Variants in RPS6KA2 observed in about 807,000 individuals in gnomAD.
The protein encoded by RPS6KA2 is ribosomal protein S6 kinase A2.
Under a neutral mutation model 91.8 loss-of-function variants are expected in RPS6KA2, and 42 were observed. That is an observed-to-expected ratio of 0.46 (90% confidence interval 0.36 to 0.59). The LOEUF (loss-of-function observed/expected upper bound fraction) is 0.59. RPS6KA2 is among the 20% of genes least tolerant of loss of function. The pLI is 0.00. For synonymous variants in RPS6KA2, 414 were observed against 393.6 expected (o/e 1.05, Z -0.61); for missense variants, 798 against 978.5 (o/e 0.82, Z 2.46).
chr6:166,685,928 G>A (rs932518177), intron 2 of RPS6KA2, among the ~76,000 whole-genome samples: 6 of 152,200 alleles, frequency 3.9e-5, no homozygotes, highest in Admixed American at 1.3e-4. Flanking sequence ...GGTGATGGAC[G>A]ATGGGCCCAT....
intron 2 of RPS6KA2, among the ~76,000 whole-genome samples, chr6:166,797,487 T>G (rs1223599944): frequency 6.6e-6 from 1 of 152,064 alleles, no homozygotes; most frequent in East Asian, 1.9e-4. Flanking sequence ...AACAGCCTAT[T>G]CACACATATG....
At chr6:166,720,219 A>T (rs1240398964) in intron 2 of RPS6KA2, among the ~76,000 whole-genome samples, 1 of 152,176 alleles carries the variant, frequency 6.6e-6, no homozygotes, top group African/African-American at 2.4e-5. Context: ...ATTTTGGTGA[A>T]CCCTATACAA....
chr6:166,739,003 G>A (rs558864531), intron 2 of RPS6KA2, among the ~76,000 whole-genome samples: 1 of 152,274 alleles, frequency 6.6e-6, no homozygotes, highest in South Asian at 2.1e-4. Flanking sequence ...GTGAACAACT[G>A]AATACAAATG....
intron 2 of RPS6KA2, among the ~76,000 whole-genome samples, chr6:166,856,781 C>A (rs942049796): frequency 6.6e-6 from 1 of 152,168 alleles, no homozygotes; most frequent in Non-Finnish European, 1.5e-5. Context: ...CCTTTCCTAC[C>A]CCTACCACTT....
Position 166,493,510 on chromosome 6 carries a change from C to A in RPS6KA2, c.748-2769G>T, listed in dbSNP as rs1363344563. On this transcript the variant is annotated intron_variant, in intron 8 of 20. Coordinates refer to ENST00000265678, the MANE Select transcript of RPS6KA2 (RefSeq NM_021135.6). This position sits in a 1 kb window ranked among gnomAD's most constrained non-coding sequence, Gnocchi z 4.7. ...GGCTTCCGGGGTGAACTGAGAAAAG[C>A]CGAGGTTCATCTTGGGGTTCCCACA... 1.3e-5 allele frequency among the ~76,000 whole-genome samples: 2 copies of A among 151,988 alleles called. No individual in the cohort carries two copies. Among genetic ancestry groups the A allele is most frequent in the African/African-American group, 4.8e-5 (2 of 41,368 alleles).
At chr6:166,547,140 C>T (rs558317503) in intron 1 of RPS6KA2, among the ~76,000 whole-genome samples, 1 of 152,118 alleles carries the variant, frequency 6.6e-6, no homozygotes, top group Admixed American at 6.5e-5. Flanking sequence ...TTGATCAGAC[C>T]GTTCAGATAC....
chr6:166,708,993 T>C (rs2128579315), intron 2 of RPS6KA2, among the ~76,000 whole-genome samples: 1 of 152,214 alleles, frequency 6.6e-6, no homozygotes, highest in East Asian at 1.9e-4. Flanking sequence ...TCCGTGTTGA[T>C]ATTCAAAGTA....
At chr6:166,423,000 C>T (rs1476829254) in intron 17 of RPS6KA2, among the ~76,000 whole-genome samples, 3 of 152,184 alleles carry the variant, frequency 2.0e-5, no homozygotes, top group Admixed American at 6.5e-5. Flanking sequence ...CTACAGAAGA[C>T]AATTTTACAT....
intron 2 of RPS6KA2, among the ~76,000 whole-genome samples, chr6:166,677,410 G>A (rs575683169): frequency 8.7e-5 from 13 of 149,998 alleles, no homozygotes; most frequent in Non-Finnish European, 1.6e-4. Flanking sequence ...CACCCAGGCT[G>A]AAGTGTAGTG....
At chr6:166,455,161 G>C (rs1253450082) in intron 12 of RPS6KA2, among the ~76,000 whole-genome samples, 1 of 152,090 alleles carries the variant, frequency 6.6e-6, no homozygotes, top group Non-Finnish European at 1.5e-5. Context: ...AAGGAAGAAA[G>C]TGCACCTAGT....
chr6:166,819,569 C>T (rs902523252), intron 2 of RPS6KA2, among the ~76,000 whole-genome samples: 4 of 152,170 alleles, frequency 2.6e-5, no homozygotes, highest in African/African-American at 9.7e-5. Flanking sequence ...CAAATGTATG[C>T]TGTTTAAGGT....
chr6:166,626,866 G>T lies in RPS6KA2; in HGVS notation c.99+55C>A. On this transcript the variant is annotated intron_variant, in intron 1 of 20. Transcript: ENST00000265678. The surrounding 1 kb of genome is among the most constrained non-coding windows in gnomAD (Gnocchi z 4.1). ...CAGGGGTGGCGAGGCGGGCTCGGGC[G>T]ACCACGGCCCGCTCAGTGCCCGGCA... 1 of 1,356,012 alleles carries T rather than the reference G, an allele frequency of 7.4e-7. No individual in the cohort carries two copies. The highest frequency in any genetic ancestry group is 1.7e-5 in the South Asian group (1 of 59,824). The allele number at this position is 1,356,012 out of a possible 1,614,324, so 84.0% of individuals were successfully genotyped here.
rs377766250 is a variant in RPS6KA2, at chr6:166,490,715, C to T, written c.774G>A (p.Pro258=). Residue 258 remains proline, a synonymous_variant, in exon 9 of 21, where the codon CCG becomes CCA. Coordinates refer to ENST00000265678, the MANE Select transcript of RPS6KA2 (RefSeq NM_021135.6). This position sits in a 1 kb window ranked among gnomAD's most constrained non-coding sequence, Gnocchi z 4.2. ...TCTCCTTCCTGTCCTTCCCCTGGAACGGCAGGGACCCCGTGAGCATCTCAA... is the reference window on the plus strand; with the variant it reads ...TCTCCTTCCTGTCCTTCCCCTGGAATGGCAGGGACCCCGTGAGCATCTCAA... ...LMFEMLTGSL[P]FQGKDRKETM... is the part of the protein sequence containing the mutation. The T allele has an allele frequency of 1.2e-4, 199 of 1,612,878 alleles. No homozygotes were observed. The highest frequency in any genetic ancestry group is 2.6e-4 in the South Asian group (24 of 90,786).
chr6:166,494,461 G>T lies in RPS6KA2; in HGVS notation c.748-3720C>A, dbSNP rs16899003. ...TGAGGCGGGATGTCCAGAACATTCC[G>T]TGCCCGTGGTTAAGAAACGGGAGAA... On this transcript the variant is annotated intron_variant, in intron 8 of 20. Coordinates refer to ENST00000265678, the MANE Select transcript of RPS6KA2 (RefSeq NM_021135.6). The surrounding 1 kb of genome is among the most constrained non-coding windows in gnomAD (Gnocchi z 5.1). Among the ~76,000 whole-genome samples, 857 of 152,316 alleles carry T rather than the reference G, an allele frequency of 5.6e-3. 8 individuals are homozygous for T. The highest frequency in any genetic ancestry group is 0.02 in the African/African-American group (824 of 41,560).
intron 1 of RPS6KA2, among the ~76,000 whole-genome samples, chr6:166,602,556 TCAGCATGGATA>T (rs1325333396): frequency 6.6e-6 from 1 of 152,064 alleles, no homozygotes; most frequent in African/African-American, 2.4e-5. Context: ...GCGCTACCCA[TCAGCATGGATA>T]CAGCTCATGA....
chr6:166,522,908 T>C lies in RPS6KA2; in HGVS notation c.298+8324A>G, dbSNP rs150555021. ...AGAATGGGCATGACTCCCCAACAGGTGTCTTTTTATTCTTCTATACTCAAG... is the reference window on the plus strand; with the variant it reads ...AGAATGGGCATGACTCCCCAACAGGCGTCTTTTTATTCTTCTATACTCAAG... On this transcript the variant is annotated intron_variant, in intron 3 of 20. Coordinates refer to ENST00000265678, the MANE Select transcript of RPS6KA2 (RefSeq NM_021135.6). 2.5e-3 allele frequency among the ~76,000 whole-genome samples: 387 copies of C among 152,334 alleles called. 1 individual carries two copies. Among genetic ancestry groups the C allele is most frequent in the African/African-American group, 9.0e-3 (373 of 41,572 alleles).
intron 1 of RPS6KA2, among the ~76,000 whole-genome samples, chr6:166,584,334 C>T (rs1785106787): frequency 6.6e-6 from 1 of 152,188 alleles, no homozygotes; most frequent in African/African-American, 2.4e-5. Flanking sequence ...CCTCACTTCA[C>T]CTTCATTACT....
At chr6:166,441,517 C>T (rs1389034473) in intron 14 of RPS6KA2, among the ~76,000 whole-genome samples, 2 of 152,356 alleles carry the variant, frequency 1.3e-5, no homozygotes, top group East Asian at 1.9e-4. Flanking sequence ...TAACACCCCA[C>T]GTGATACTGG....
upstream of RPS6KA2, among the ~76,000 whole-genome samples, chr6:166,632,001 A>G (rs368665020): frequency 3.9e-4 from 60 of 152,324 alleles, no homozygotes; most frequent in Middle Eastern, 3.4e-3. Context: ...GCACATTTCC[A>G]GGATACTAAC....
Sources: allele counts gnomAD v4.1 joint callset (sites outside exome capture counted in the v4.1 genomes callset), GRCh38; gene constraint gnomAD v4.1.1; non-coding constraint Gnocchi (gnomAD v3.1); transcripts MANE v1.5; gene names NCBI Gene and HGNC (gene_info 2026-07-23, HGNC 2026-07-21).